The following CDC14A variants were observed in gnomAD, a reference collection of about 807,000 sequenced individuals.
CDC14A encodes dual specificity protein phosphatase CDC14A.
CDC14A carries 53 observed loss-of-function variants against 74.4 expected under a neutral mutation model. The ratio of observed to expected loss-of-function variants is 0.71; its 90% CI spans 0.57 to 0.89. The LOEUF is 0.89. Among genes scored for constraint, CDC14A ranks in the 40% least tolerant of loss-of-function variants. The probability of loss-of-function intolerance (pLI) is 0.00; values close to 1 mark genes in which losing one functional copy is unlikely to be tolerated. For missense variants in CDC14A, 646 were observed against 713.7 expected (o/e 0.91, Z 1.08); for synonymous variants, 247 against 258.4 (o/e 0.96, Z 0.43).
intron 10 of CDC14A, among the ~76,000 whole-genome samples, chr1:100,483,142 G>T (rs1194012944): frequency 6.6e-6 from 1 of 151,938 alleles, no homozygotes; most frequent in East Asian, 1.9e-4. Flanking sequence ...GTAATTCTGT[G>T]TCTCACTCTT....
chr1:100,362,709 C>T (rs1291116301), intron 2 of CDC14A, among the ~76,000 whole-genome samples: 1 of 152,062 alleles, frequency 6.6e-6, no homozygotes, highest in Non-Finnish European at 1.5e-5. Flanking sequence ...CCAGGAGCAC[C>T]AAAGAATTTT....
At chr1:100,507,520 G>C (rs564839395) in intron 15 of CDC14A, among the ~76,000 whole-genome samples, 3 of 151,330 alleles carry the variant, frequency 2.0e-5, no homozygotes, top group South Asian at 4.2e-4. Flanking sequence ...GGTTGGTCTC[G>C]AATTCCTGGC....
intron 10 of CDC14A, among the ~76,000 whole-genome samples, chr1:100,482,766 ATCTC>A (rs71084823): frequency 0.049 from 7,465 of 151,248 alleles, 235 homozygotes; most frequent in South Asian, 0.13. Flanking sequence ...TTTTCAACCT[ATCTC>A]TCTCTCTCTG....
chr1:100,396,753 C>T (rs1463780774), intron 4 of CDC14A, among the ~76,000 whole-genome samples: 1 of 152,196 alleles, frequency 6.6e-6, no homozygotes, highest in East Asian at 1.9e-4. Flanking sequence ...GCATTAACTA[C>T]TTTTCAACTG....
At chr1:100,381,190 C>A (rs747886741) in intron 3 of CDC14A, among the ~76,000 whole-genome samples, 1 of 152,174 alleles carries the variant, frequency 6.6e-6, no homozygotes, top group Non-Finnish European at 1.5e-5. Flanking sequence ...ATTTGCAGAT[C>A]CCCCTTTCTC....
chr1:100,441,456 T>TA (rs1002762629), intron 6 of CDC14A, among the ~76,000 whole-genome samples: 214 of 152,312 alleles, frequency 1.4e-3, no homozygotes, highest in African/African-American at 5.0e-3. Context: ...TTTGCCTTTT[T>TA]AGGGAGCACA....
intron 2 of CDC14A, among the ~76,000 whole-genome samples, chr1:100,358,242 T>A (rs190273879): frequency 8.0e-4 from 122 of 152,330 alleles, no homozygotes; most frequent in African/African-American, 2.8e-3. Context: ...CACCACTCCC[T>A]GGAAAGGCTT....
intron 8 of CDC14A, among the ~76,000 whole-genome samples, chr1:100,457,275 A>T (rs566287525): frequency 3.9e-4 from 59 of 151,812 alleles, no homozygotes; most frequent in Middle Eastern, 6.8e-3. Flanking sequence ...TTTGAAAAAA[A>T]TTTTTTTTTA....
intron 11 of CDC14A, 35 bp from the exon 12 acceptor site, chr1:100,494,783 T>A (rs1387081331): frequency 7.9e-7 from 1 of 1,263,916 alleles, no homozygotes; most frequent in Non-Finnish European, 1.2e-6. Flanking sequence ...AAAGCCAAAT[T>A]TTGACCTTTC....
chr1:100,375,861 C>A (rs547346545), intron 2 of CDC14A, among the ~76,000 whole-genome samples: 9 of 152,114 alleles, frequency 5.9e-5, no homozygotes, highest in African/African-American at 1.2e-4. Context: ...ATGTTTATTG[C>A]GGCACTATTC....
intron 10 of CDC14A, among the ~76,000 whole-genome samples, chr1:100,479,905 C>T (rs1389042904): frequency 2.0e-5 from 3 of 152,120 alleles, no homozygotes; most frequent in African/African-American, 7.2e-5. Context: ...GCAGTGGTTG[C>T]ATCAGAAATT....
At chr1:100,444,799 T>A (rs1665351766) in intron 7 of CDC14A, among the ~76,000 whole-genome samples, 1 of 152,206 alleles carries the variant, frequency 6.6e-6, no homozygotes. Context: ...CTTATTAGGT[T>A]GCAAATTCCC....
chr1:100,407,290 G>A (rs965827001), intron 4 of CDC14A, among the ~76,000 whole-genome samples: 15 of 152,130 alleles, frequency 9.9e-5, no homozygotes, highest in Admixed American at 6.5e-5. Context: ...ATGACTTCGG[G>A]CAGTATGGCC....
chr1:100,345,742 A>G (rs184114034), intron 1 of CDC14A, among the ~76,000 whole-genome samples: 13 of 152,382 alleles, frequency 8.5e-5, no homozygotes, highest in Non-Finnish European at 2.9e-5. Context: ...CTGATAGGCA[A>G]CCAATGTAAG....
At chr1:100,379,041 G>C (rs181915904) in intron 3 of CDC14A, among the ~76,000 whole-genome samples, 16 of 152,256 alleles carry the variant, frequency 1.1e-4, no homozygotes, top group Admixed American at 1.0e-3. Context: ...TTTCTTTGCT[G>C]TCTTGATTAG....
intron 2 of CDC14A, among the ~76,000 whole-genome samples, chr1:100,373,842 T>C (rs1654837308): frequency 6.6e-6 from 1 of 152,098 alleles, no homozygotes; most frequent in Non-Finnish European, 1.5e-5. Context: ...TTAGGGTACA[T>C]GTGCACAATG....
intron 15 of CDC14A, among the ~76,000 whole-genome samples, chr1:100,499,998 A>C (rs917761146): frequency 6.6e-6 from 1 of 152,174 alleles, no homozygotes; most frequent in African/African-American, 2.4e-5. Context: ...TAGGTTACCA[A>C]GCTCTCTTTA....
At chr1:100,502,803 ATTTC>A (rs1385391357) in intron 15 of CDC14A, among the ~76,000 whole-genome samples, 1 of 152,046 alleles carries the variant, frequency 6.6e-6, no homozygotes. Flanking sequence ...GTATTTTGTT[ATTTC>A]TTTTCACTTC....
intron 2 of CDC14A, among the ~76,000 whole-genome samples, chr1:100,374,196 A>G (rs974900735): frequency 1.3e-5 from 2 of 152,160 alleles, no homozygotes; most frequent in Non-Finnish European, 2.9e-5. Flanking sequence ...TTCTTAATCC[A>G]GTCTATCATT....
Sources: allele counts gnomAD v4.1 joint callset (sites outside exome capture counted in the v4.1 genomes callset), GRCh38; gene constraint gnomAD v4.1.1; transcripts MANE v1.5; gene names NCBI Gene and HGNC (gene_info 2026-07-23, HGNC 2026-07-21).